Variants in CAPN9 observed in about 807,000 individuals in gnomAD.
CAPN9 encodes the protein calpain-9.
A neutral mutation model predicts 92.8 loss-of-function variants in CAPN9; 81 were observed. That is an observed-to-expected ratio of 0.87 (90% CI 0.73 to 1.05). The LOEUF (loss-of-function observed/expected upper bound fraction) is 1.05. CAPN9 is among the 50% of genes least tolerant of loss of function. The pLI, the probability that CAPN9 is intolerant of heterozygous loss-of-function variation, is 0.00. For missense variants in CAPN9, 848 were observed against 866.2 expected, an observed-to-expected ratio of 0.98 and a Z score of 0.26; for synonymous variants, 304 against 328.0, an observed-to-expected ratio of 0.93 and a Z score of 0.79.
intron 2 of CAPN9, among the ~76,000 whole-genome samples, chr1:230,759,169 G>C (rs1484352600): frequency 1.3e-5 from 2 of 152,222 alleles, no homozygotes; most frequent in African/African-American, 4.8e-5. Context: ...TGCTCGCCCA[G>C]CCCGTGCTGA....
At chr1:230,751,639 GAA>G (rs1396220420) in intron 1 of CAPN9, among the ~76,000 whole-genome samples, 1 of 97,296 alleles carries the variant, frequency 1.0e-5, no homozygotes, top group African/African-American at 5.0e-5. Flanking sequence ...AAGAAAGAAA[GAA>G]AGAAAGAAAG....
At position 230,787,617 on chromosome 1, in the gene CAPN9, A is replaced by T. The variant is rs1386441834; in HGVS notation, c.1599+15A>T. ...TCGCTGGTGAGGTAGGACATGCCCCACTTCCATCTCCCCACCAGGCTGAGG... is the reference window on the plus strand; with the variant it reads ...TCGCTGGTGAGGTAGGACATGCCCCTCTTCCATCTCCCCACCAGGCTGAGG... On this transcript the variant is annotated intron_variant, in intron 13 of 19. Coordinates refer to ENST00000271971, the MANE Select transcript of CAPN9 (RefSeq NM_006615.3). The T allele has an allele frequency of 1.9e-6, 3 of 1,608,996 alleles. No homozygotes were observed. Among genetic ancestry groups the T allele is most frequent in the Non-Finnish European group, 2.6e-6 (3 of 1,175,682 alleles).
chr1:230,762,402 C>A (rs1280959255), intron 3 of CAPN9, among the ~76,000 whole-genome samples: 1 of 152,256 alleles, frequency 6.6e-6, no homozygotes, highest in Non-Finnish European at 1.5e-5. Context: ...CCTGCATCGC[C>A]TGCGGCTTTG....
intron 8 of CAPN9, 61 bp downstream of exon 8, chr1:230,774,692 A>C: frequency 9.2e-7 from 1 of 1,084,450 alleles, no homozygotes; most frequent in East Asian, 2.4e-5. Flanking sequence ...CCTGGGGCGT[A>C]AGGAGCACTG....
At chr1:230,786,877 G>C (rs1558111948) in intron 12 of CAPN9, among the ~76,000 whole-genome samples, 1 of 152,172 alleles carries the variant, frequency 6.6e-6, no homozygotes, top group Non-Finnish European at 1.5e-5. Flanking sequence ...TGGTGTGGAA[G>C]GGGTGACATG....
At chr1:230,783,042 T>G (rs1480051627) in intron 11 of CAPN9, among the ~76,000 whole-genome samples, 1 of 152,174 alleles carries the variant, frequency 6.6e-6, no homozygotes, top group East Asian at 1.9e-4. Context: ...TTTTTGGTTC[T>G]GATTCAACTT....
intron 1 of CAPN9, among the ~76,000 whole-genome samples, chr1:230,753,331 T>C (rs1192134522): frequency 6.6e-6 from 1 of 152,204 alleles, no homozygotes; most frequent in Non-Finnish European, 1.5e-5. Flanking sequence ...GAAATTCTCC[T>C]GGCCAAGCTT....
Position 230,797,101 on chromosome 1 carries a change from T to C in CAPN9, c.1988-1061T>C, listed in dbSNP as rs139023307. 9.2e-5 allele frequency among the ~76,000 whole-genome samples: 14 copies of C among 152,322 alleles called. No individual in the cohort carries two copies. The East Asian group carries it at 2.7e-3, about 29-fold the overall frequency. ...TCTCCAGGGGTGCCTAAAGAAATGCTGATGACCAGGCTGCACAGTTGACCA... is the reference window on the plus strand; with the variant it reads ...TCTCCAGGGGTGCCTAAAGAAATGCCGATGACCAGGCTGCACAGTTGACCA... On this transcript the variant is annotated intron_variant, in intron 18 of 19. Transcript: ENST00000271971.
chr1:230,787,671 G>T (rs956441817), intron 13 of CAPN9, 69 bp downstream of exon 13: 17 of 1,390,392 alleles, frequency 1.2e-5, no homozygotes, highest in Non-Finnish European at 1.3e-5. Flanking sequence ...GCAAAGGGTT[G>T]CAGTCGTGGG....
chr1:230,759,849 C>A (rs1456217518), intron 3 of CAPN9, among the ~76,000 whole-genome samples: 1 of 152,198 alleles, frequency 6.6e-6, no homozygotes, highest in African/African-American at 2.4e-5. Flanking sequence ...ATGGAGCATA[C>A]ATTTAAAACT....
chr1:230,753,884 T>C (rs1665031057), intron 1 of CAPN9, among the ~76,000 whole-genome samples: 1 of 136,460 alleles, frequency 7.3e-6, no homozygotes, highest in Admixed American at 7.6e-5. Flanking sequence ...AGGTCTGTGC[T>C]CCTCTGCTTC....
intron 11 of CAPN9, among the ~76,000 whole-genome samples, chr1:230,781,186 C>T (rs1463119008): frequency 6.6e-6 from 1 of 152,046 alleles, no homozygotes; most frequent in Non-Finnish European, 1.5e-5. Context: ...ACTTTCTTAG[C>T]TTATCTGCAA....
chr1:230,793,008 T>A, intron 17 of CAPN9, 80 bp downstream of exon 17: 1 of 1,057,396 alleles, frequency 9.5e-7, no homozygotes. Context: ...TGGCAGGTCT[T>A]CTCTCTGCTG....
Position 230,800,279 on chromosome 1 carries a change from AAAGAAAGAAAGAAAGAAAGAAAGAAAGG to A in CAPN9, c.2047-1288_2047-1261del, listed in dbSNP as rs770784342. Among the ~76,000 whole-genome samples, 281 of 136,944 alleles carry A rather than the reference AAAGAAAGAAAGAAAGAAAGAAAGAAAGG, an allele frequency of 2.1e-3. 21 individuals are homozygous for A. Among genetic ancestry groups the A allele is most frequent in the African/African-American group, 4.0e-3 (144 of 35,686 alleles). 89.8% of individuals were successfully genotyped at this position (136,944 alleles called of 152,430 possible). ...GAAAGAAAGAAAGAAAGAAAGAAAG[AAAGAAAGAAAGAAAGAAAGAAAGAAAGG>A]AAAAACAAGAGAGACCCCTAGGTCC... On this transcript the variant is annotated intron_variant, in intron 19 of 19. Coordinates refer to ENST00000271971, the MANE Select transcript of CAPN9 (RefSeq NM_006615.3).
intron 18 of CAPN9, among the ~76,000 whole-genome samples, chr1:230,797,587 G>A (rs1284205098): frequency 1.3e-5 from 2 of 152,156 alleles, no homozygotes; most frequent in Non-Finnish European, 2.9e-5. Flanking sequence ...AGATTCTCAA[G>A]TGAAGCCAGG....
At chr1:230,795,027 C>G in intron 17 of CAPN9, 136 bp from the exon 18 acceptor site, 1 of 653,206 alleles carries the variant, frequency 1.5e-6, no homozygotes, top group Admixed American at 2.3e-5. Context: ...GTCTGGGGAC[C>G]CCAGCTTTGA....
chr1:230,795,488 T>C, intron 18 of CAPN9: 1 of 502,642 alleles, frequency 2.0e-6, no homozygotes, highest in South Asian at 2.1e-5. Context: ...AGCATCGCCT[T>C]TCTTTATACA....
chr1:230,751,003 C>G (rs74144826), intron 1 of CAPN9, among the ~76,000 whole-genome samples: 44 of 152,312 alleles, frequency 2.9e-4, no homozygotes, highest in African/African-American at 9.9e-4. Context: ...TGATGGGGAA[C>G]AGCCACCATG....
chr1:230,772,032 AGAATCGAGCTCATCC>A lies in CAPN9; in HGVS notation c.814_828del (p.Glu272_Ile276del). The A allele has an allele frequency of 6.2e-7, 1 of 1,614,212 alleles. No individual in the cohort carries two copies. The highest frequency in any genetic ancestry group is 8.5e-7 in the Non-Finnish European group (1 of 1,180,022). Reference sequence around the variant, plus strand: ...CTTCTAGGTAAGCTTCCGAGGCCAGAGAATCGAGCTCATCCGAATCCGGAACCCTTGGGGCCAGGT... The same window carrying A: ...CTTCTAGGTAAGCTTCCGAGGCCAGAGAATCCGGAACCCTTGGGGCCAGGT... On this transcript the variant is annotated inframe_deletion, in exon 7 of 20. Transcript: ENST00000271971.
Sources: allele counts gnomAD v4.1 joint callset (sites outside exome capture counted in the v4.1 genomes callset), GRCh38; gene constraint gnomAD v4.1.1; transcripts MANE v1.5; gene names NCBI Gene and HGNC (gene_info 2026-07-23, HGNC 2026-07-21).